The following SLC25A26 variants were observed in gnomAD, a reference collection of about 807,000 sequenced individuals.
SLC25A26 encodes solute carrier family 25 member 26.
Under a neutral mutation model 37.8 loss-of-function variants are expected in SLC25A26, and 36 were observed. The observed-to-expected ratio is 0.95, with a 90% CI of 0.73 to 1.26. The LOEUF (loss-of-function observed/expected upper bound fraction) is 1.26, where lower values mean the gene tolerates loss of function less well. SLC25A26 is among the 50% of genes most tolerant of loss of function. The pLI is 0.00. For missense variants in SLC25A26, 390 were observed against 331.1 expected (o/e 1.18, Z -1.38); for synonymous variants, 129 against 122.5 (o/e 1.05, Z -0.35).
intron 5 of SLC25A26, among the ~76,000 whole-genome samples, chr3:66,299,448 C>A (rs1013973001): frequency 6.6e-6 from 1 of 152,034 alleles, no homozygotes; most frequent in Non-Finnish European, 1.5e-5. Flanking sequence ...CCTCAGCCTC[C>A]GAAAATGCTG....
At chr3:66,215,492 T>A (rs1449799362) in intron 1 of SLC25A26, among the ~76,000 whole-genome samples, 1 of 152,200 alleles carries the variant, frequency 6.6e-6, no homozygotes, top group East Asian at 1.9e-4. Context: ...ATTTTAATAG[T>A]TTAATTATAT....
chr3:66,171,319 G>C (rs1215213656), intron 1 of SLC25A26, among the ~76,000 whole-genome samples: 1 of 152,140 alleles, frequency 6.6e-6, no homozygotes, highest in Non-Finnish European at 1.5e-5. Flanking sequence ...CCTCACATCT[G>C]GTTTTGTGGC....
chr3:66,316,980 G>A (rs1317403964), intron 5 of SLC25A26, among the ~76,000 whole-genome samples: 4 of 152,036 alleles, frequency 2.6e-5, no homozygotes, highest in Admixed American at 6.6e-5. Context: ...CTCTAAACTG[G>A]TTATTTTGGT....
At chr3:66,350,141 C>T (rs1192251380) in intron 6 of SLC25A26, among the ~76,000 whole-genome samples, 5 of 152,146 alleles carry the variant, frequency 3.3e-5, no homozygotes. Context: ...GATTTCTCCA[C>T]TGTGTTTATT....
chr3:66,184,777 C>T (rs2070794281), intron 1 of SLC25A26, among the ~76,000 whole-genome samples: 1 of 151,970 alleles, frequency 6.6e-6, no homozygotes. Flanking sequence ...TTGACTCTAA[C>T]CATCCCACCC....
intron 1 of SLC25A26, among the ~76,000 whole-genome samples, chr3:66,158,195 A>G (rs1023378291): frequency 6.6e-6 from 1 of 152,246 alleles, no homozygotes; most frequent in Non-Finnish European, 1.5e-5. Flanking sequence ...TGAGGCTTCA[A>G]TATTGTTTGA....
intron 5 of SLC25A26, among the ~76,000 whole-genome samples, chr3:66,289,055 AT>A (rs1362248335): frequency 2.0e-5 from 3 of 152,050 alleles, no homozygotes; most frequent in African/African-American, 7.3e-5. Context: ...TGTGGTTTTA[AT>A]TTGCATTTCT....
intron 5 of SLC25A26, among the ~76,000 whole-genome samples, chr3:66,340,398 A>G (rs1178595768): frequency 6.6e-6 from 1 of 152,090 alleles, no homozygotes; most frequent in Admixed American, 6.5e-5. Context: ...TTCGATGAGC[A>G]GAAGTTTTAA....
intron 5 of SLC25A26, among the ~76,000 whole-genome samples, chr3:66,266,576 CTTTTTTT>C (rs1004250488): frequency 9.0e-6 from 1 of 111,564 alleles, no homozygotes; most frequent in Non-Finnish European, 1.8e-5. Context: ...TGTTGTCACA[CTTTTTTT>C]TTTTTTTTTT....
intron 1 of SLC25A26, among the ~76,000 whole-genome samples, chr3:66,175,492 T>C (rs2070572299): frequency 6.6e-6 from 1 of 152,178 alleles, no homozygotes. Context: ...CCCAAAGTGC[T>C]GGGATTACAG....
intron 1 of SLC25A26, among the ~76,000 whole-genome samples, chr3:66,160,434 C>T (rs1392388782): frequency 1.3e-5 from 2 of 152,188 alleles, no homozygotes; most frequent in African/African-American, 4.8e-5. Flanking sequence ...GTCAAGATGA[C>T]TGATCAATTC....
chr3:66,164,619 C>T (rs2070401424), intron 1 of SLC25A26, among the ~76,000 whole-genome samples: 1 of 152,164 alleles, frequency 6.6e-6, no homozygotes, highest in Non-Finnish European at 1.5e-5. Flanking sequence ...CAAACATTTT[C>T]TGTAAAGGGC....
chr3:66,218,775 T>C (rs2071398084), upstream of SLC25A26, among the ~76,000 whole-genome samples: 1 of 152,162 alleles, frequency 6.6e-6, no homozygotes, highest in African/African-American at 2.4e-5. Context: ...TATGGAGAGA[T>C]GTATGCCATG....
chr3:66,208,483 G>A (rs2071210049), intron 1 of SLC25A26, among the ~76,000 whole-genome samples: 2 of 151,720 alleles, frequency 1.3e-5, no homozygotes, highest in Admixed American at 1.3e-4. Context: ...AAACATTCAA[G>A]TTGACATTCT....
chr3:66,315,129 C>T (rs1575552665), intron 5 of SLC25A26, among the ~76,000 whole-genome samples: 2 of 103,254 alleles, frequency 1.9e-5, no homozygotes, highest in Admixed American at 1.1e-4. Flanking sequence ...TCCTTCAGTT[C>T]TGCTCTGATC....
chr3:66,370,641 A>G (rs1643960070), intron 9 of SLC25A26, 39 bp downstream of exon 9: 1 of 1,531,786 alleles, frequency 6.5e-7, no homozygotes, highest in Admixed American at 1.7e-5. Flanking sequence ...CTTCCTCTCC[A>G]CCACTCCTCC....
At chr3:66,335,393 A>G (rs1268440098) in intron 5 of SLC25A26, among the ~76,000 whole-genome samples, 2 of 152,240 alleles carry the variant, frequency 1.3e-5, no homozygotes, top group Non-Finnish European at 2.9e-5. Flanking sequence ...ATAAATGTAA[A>G]GAATGGGATT....
At chr3:66,161,644 T>C (rs1052481883) in intron 1 of SLC25A26, among the ~76,000 whole-genome samples, 1 of 152,202 alleles carries the variant, frequency 6.6e-6, no homozygotes, top group Non-Finnish European at 1.5e-5. Context: ...TTTTCTTCAG[T>C]GAGAGAGTTT....
At chr3:66,246,246 A>G (rs955740926) in intron 3 of SLC25A26, among the ~76,000 whole-genome samples, 3 of 152,196 alleles carry the variant, frequency 2.0e-5, no homozygotes, top group African/African-American at 7.2e-5. Context: ...TTGTTGGTAC[A>G]TTGTTGAGAG....
Sources: allele counts gnomAD v4.1 joint callset (sites outside exome capture counted in the v4.1 genomes callset), GRCh38; gene constraint gnomAD v4.1.1; transcripts MANE v1.5; gene names NCBI Gene and HGNC (gene_info 2026-07-23, HGNC 2026-07-21).